The following NIM1K variants were observed in gnomAD, a reference collection of about 807,000 sequenced individuals.
The protein encoded by NIM1K is serine/threonine-protein kinase NIM1.
In NIM1K, 35 loss-of-function variants were observed where a neutral mutation model predicts 37.1. The ratio of observed to expected loss-of-function variants is 0.94; its 90% CI spans 0.72 to 1.25. The LOEUF (loss-of-function observed/expected upper bound fraction) is 1.25, where lower values mean the gene tolerates loss of function less well. NIM1K is among the 50% of genes most tolerant of loss of function. NIM1K has a pLI of 0.00. For missense variants in NIM1K, 564 were observed against 548.0 expected, an observed-to-expected ratio of 1.03 and a Z score of -0.29; for synonymous variants, 234 against 206.6, an observed-to-expected ratio of 1.13 and a Z score of -1.14.
At chr5:43,231,917 C>T in intron 1 of NIM1K, 1 of 981,158 alleles carries the variant, frequency 1.0e-6, no homozygotes. Flanking sequence ...CCTCAGAAAA[C>T]TCTCCTTCCT....
chr5:43,276,056 A>G (rs1753334818), intron 2 of NIM1K, among the ~76,000 whole-genome samples: 1 of 151,748 alleles, frequency 6.6e-6, no homozygotes, highest in Admixed American at 6.6e-5. Flanking sequence ...CACCGGGTCC[A>G]TCTAATTTTT....
At chr5:43,208,510 G>A (rs1752151081) in intron 1 of NIM1K, among the ~76,000 whole-genome samples, 2 of 152,076 alleles carry the variant, frequency 1.3e-5, no homozygotes, top group South Asian at 4.1e-4. Context: ...GGCTGAGGCA[G>A]GAGAATCGCT....
chr5:43,205,619 T>C (rs942745578), intron 1 of NIM1K, among the ~76,000 whole-genome samples: 2 of 152,180 alleles, frequency 1.3e-5, no homozygotes, highest in Non-Finnish European at 2.9e-5. Flanking sequence ...AAATGGCTAC[T>C]CTCAAATGTC....
At chr5:43,230,373 C>T (rs1346726642) in intron 1 of NIM1K, among the ~76,000 whole-genome samples, 3 of 151,556 alleles carry the variant, frequency 2.0e-5, no homozygotes, top group African/African-American at 4.9e-5. Context: ...AAGGAAGAGG[C>T]GAGAGGTCAT....
At chr5:43,246,215 GTCT>G (rs1752777635) in intron 2 of NIM1K, 148 bp downstream of exon 2, 1 of 602,654 alleles carries the variant, frequency 1.7e-6, no homozygotes, top group Non-Finnish European at 2.8e-6. Flanking sequence ...GCCTTCTGTG[GTCT>G]TCTCAGTTAA....
intron 3 of NIM1K, 65 bp from the exon 4 acceptor site, chr5:43,279,915 C>T (rs898565785): frequency 7.6e-7 from 1 of 1,321,232 alleles, no homozygotes; most frequent in Non-Finnish European, 1.1e-6. Flanking sequence ...TTCAGAGCAA[C>T]TGATACATTT....
intron 1 of NIM1K, among the ~76,000 whole-genome samples, chr5:43,209,668 GAGTGC>G (rs1752175995): frequency 6.6e-6 from 1 of 151,804 alleles, no homozygotes; most frequent in Non-Finnish European, 1.5e-5. Context: ...GCCCAGGCTG[GAGTGC>G]AGTGGCGTGA....
At chr5:43,267,798 C>A (rs562730212) in intron 2 of NIM1K, among the ~76,000 whole-genome samples, 70 of 152,054 alleles carry the variant, frequency 4.6e-4, no homozygotes, top group Admixed American at 1.1e-3. Flanking sequence ...TTTTTTCCTA[C>A]TGTGGTCTGA....
At chr5:43,209,443 G>A (rs1752172491) in intron 1 of NIM1K, among the ~76,000 whole-genome samples, 2 of 151,910 alleles carry the variant, frequency 1.3e-5, no homozygotes, top group Admixed American at 1.3e-4. Context: ...ACTGGAAAGG[G>A]TTTTGCTTTT....
intron 2 of NIM1K, among the ~76,000 whole-genome samples, chr5:43,275,737 T>G (rs1178412305): frequency 1.3e-5 from 2 of 152,098 alleles, no homozygotes; most frequent in Non-Finnish European, 2.9e-5. Context: ...GGGCTCCAAG[T>G]GCACAGAATC....
chr5:43,222,424 A>T (rs927253564), intron 1 of NIM1K, among the ~76,000 whole-genome samples: 1 of 152,132 alleles, frequency 6.6e-6, no homozygotes, highest in Non-Finnish European at 1.5e-5. Flanking sequence ...CACCCCTGAA[A>T]CATTTATCAA....
intron 1 of NIM1K, among the ~76,000 whole-genome samples, chr5:43,195,380 C>T (rs573331035): frequency 1.3e-4 from 20 of 152,214 alleles, no homozygotes; most frequent in Middle Eastern, 3.4e-3. Flanking sequence ...AGTGATAGGT[C>T]GGTGCCGTGG....
chr5:43,210,058 T>C (rs1322490148), intron 1 of NIM1K, among the ~76,000 whole-genome samples: 1 of 152,138 alleles, frequency 6.6e-6, no homozygotes, highest in East Asian at 1.9e-4. Context: ...AGGACAAGTA[T>C]GTACACAGTA....
Position 43,195,263 on chromosome 5 carries a change from T to C in NIM1K, c.-695+2852T>C, listed in dbSNP as rs532151878. ...CTTGAATTAACCACATCATAGTTCTTAAATTACTTTCTCTCAAGAACTTCA... is the reference window on the plus strand; with the variant it reads ...CTTGAATTAACCACATCATAGTTCTCAAATTACTTTCTCTCAAGAACTTCA... On this transcript the variant is annotated intron_variant, in intron 1 of 3. Coordinates refer to ENST00000326035, the MANE Select transcript of NIM1K (RefSeq NM_153361.4). Among the ~76,000 whole-genome samples the C allele has an allele frequency of 2.0e-4, 31 of 152,352 alleles. 1 individual carries two copies. The highest frequency in any genetic ancestry group is 7.5e-4 in the African/African-American group (31 of 41,588).
At chr5:43,230,055 A>G (rs1752516000) in intron 1 of NIM1K, among the ~76,000 whole-genome samples, 1 of 152,202 alleles carries the variant, frequency 6.6e-6, no homozygotes, top group Non-Finnish European at 1.5e-5. Context: ...CTAGTTATAC[A>G]TGTTATAAAA....
At chr5:43,261,720 T>C (rs1753033583) in intron 2 of NIM1K, among the ~76,000 whole-genome samples, 2 of 152,204 alleles carry the variant, frequency 1.3e-5, no homozygotes, top group Admixed American at 1.3e-4. Flanking sequence ...CTAGGTTTTC[T>C]TCTAGGGTTT....
rs1321922178 is a variant in NIM1K, at chr5:43,232,075, C to T, written c.-694-13007C>T. The T allele has an allele frequency of 1.5e-5, 15 of 1,027,414 alleles. No homozygotes were observed. In the Admixed American group the frequency reaches 2.7e-4, roughly 18 times the overall value. 63.6% of individuals were successfully genotyped at this position (1,027,414 alleles called of 1,614,324 possible). ...TCTCTGTGTCTTGACCAGGTCTCCA[C>T]CAGTCACCACAGTGGGAGGGCTGGC... On this transcript the variant is annotated intron_variant, in intron 1 of 3. Coordinates refer to ENST00000326035, the MANE Select transcript of NIM1K (RefSeq NM_153361.4).
intron 2 of NIM1K, among the ~76,000 whole-genome samples, chr5:43,257,099 GTGAAAAGGAGGCTAGGGAGA>G (rs1350623886): frequency 3.6e-4 from 55 of 152,066 alleles, no homozygotes; most frequent in African/African-American, 1.3e-3. Context: ...GGCTAGGGAG[GTGAAAAGGAGGCTAGGGAGA>G]TGAACACAGC....
chr5:43,250,779 G>A (rs1752856913), intron 2 of NIM1K, among the ~76,000 whole-genome samples: 1 of 152,234 alleles, frequency 6.6e-6, no homozygotes. Context: ...GGGTCACAGA[G>A]CTACAGTCTG....
Sources: gnomAD v4.1 joint callset for allele counts (sites outside exome capture counted in the v4.1 genomes callset) on GRCh38, gnomAD v4.1.1 for gene constraint, MANE v1.5 for transcripts, NCBI Gene and HGNC (gene_info 2026-07-23, HGNC 2026-07-21) for gene names.